WRAP73: variants seen among roughly 807,000 people sequenced by gnomAD.
The protein encoded by WRAP73 is WD repeat containing, antisense to TP73.
In WRAP73, 55 loss-of-function variants were observed where a neutral mutation model predicts 59.6. That is an observed-to-expected ratio of 0.92 (90% CI 0.74 to 1.15). WRAP73 has a LOEUF of 1.15. Ranked by LOEUF, WRAP73 falls within the 50% of genes most tolerant of loss-of-function variation. The pLI is 0.00. For missense variants in WRAP73, 592 were observed against 608.1 expected, an observed-to-expected ratio of 0.97 and a Z score of 0.28; for synonymous variants, 265 against 258.2, an observed-to-expected ratio of 1.03 and a Z score of -0.25.
Position 3,646,302 on chromosome 1 carries a change from C to T in WRAP73, c.339+364G>A, listed in dbSNP as rs1044514582. On this transcript the variant is annotated intron_variant, in intron 3 of 11. Transcript: ENST00000270708. This position sits in a 1 kb window ranked among gnomAD's most constrained non-coding sequence, Gnocchi z 5.1. ...TAAATGACGAGCTGAAAGTTCTTGA[C>T]GCAACAAGGAAAGAAAAAATCCTAT... is the stretch of plus-strand genomic sequence containing the variant. Among the ~76,000 whole-genome samples the T allele has an allele frequency of 3.3e-5, 5 of 152,164 alleles. No homozygotes were observed. The highest frequency in any genetic ancestry group is 2.1e-4 in the South Asian group (1 of 4,832).
intron 5 of WRAP73, chr1:3,636,619 T>G (rs1570298340): frequency 2.7e-6 from 1 of 368,582 alleles, no homozygotes; most frequent in Non-Finnish European, 5.3e-6. Flanking sequence ...GTGGGGGCAG[T>G]GCCCTCTGTG....
rs765231090 is a variant in WRAP73, at chr1:3,650,020, G to A, written c.-21C>T. ...TTCATGGCCGCCGCCTGCCGCGGGC[G>A]CCACCCTGCGCCCGAAAACCCGCGG... On this transcript the variant is annotated 5_prime_UTR_variant, in exon 1 of 12. Transcript: ENST00000270708. The A allele has an allele frequency of 1.0e-5, 16 of 1,578,872 alleles. No individual in the cohort carries two copies. Among genetic ancestry groups the A allele is most frequent in the East Asian group, 2.4e-5 (1 of 41,574 alleles).
At chr1:3,636,398 C>T (rs1002144660) in intron 5 of WRAP73, 2 of 316,868 alleles carry the variant, frequency 6.3e-6, no homozygotes, top group Non-Finnish European at 1.2e-5. Flanking sequence ...GGCCAGCCCC[C>T]GAAGGTGGCT....
At chr1:3,642,426 G>A (rs1644655008) in intron 3 of WRAP73, among the ~76,000 whole-genome samples, 2 of 152,182 alleles carry the variant, frequency 1.3e-5, no homozygotes, top group Non-Finnish European at 2.9e-5. Context: ...TATAGCTGGT[G>A]AAGATAGCCT....
At chr1:3,637,916 TA>T (rs1644603378) in intron 4 of WRAP73, among the ~76,000 whole-genome samples, 1 of 152,182 alleles carries the variant, frequency 6.6e-6, no homozygotes. Context: ...TGTATTAGCT[TA>T]AAAAGCCCTA....
In WRAP73 at chr1:3,645,394, C is replaced by T. The variant is rs866907600; in HGVS notation, c.339+1272G>A. On this transcript the variant is annotated intron_variant, in intron 3 of 11. Transcript: ENST00000270708. Reference sequence around the variant, plus strand: ...CCGTGGTGTGCGTGGCGCAGCGGGACGGGCGGGTTGCCCCGTGGTGTGCGC... The same window carrying T: ...CCGTGGTGTGCGTGGCGCAGCGGGATGGGCGGGTTGCCCCGTGGTGTGCGC... Among the ~76,000 whole-genome samples the T allele has an allele frequency of 1.2e-3, 159 of 134,378 alleles. 1 individual carries two copies. The highest frequency in any genetic ancestry group is 5.0e-3 in the African/African-American group (149 of 30,068). 88.2% of individuals were successfully genotyped at this position (134,378 alleles called of 152,430 possible).
Position 3,633,455 on chromosome 1 carries a change from G to C in WRAP73, c.865C>G (p.Leu289Val), listed in dbSNP as rs1214152291. 3.1e-6 allele frequency: 5 copies of C among 1,612,064 alleles called. No homozygotes were observed. The highest frequency in any genetic ancestry group is 4.2e-6 in the Non-Finnish European group (5 of 1,179,656). The change falls in exon 9 of 12, where the codon CTC becomes GTC. Residue 289 changes from leucine (L) to valine (V), a missense_variant. Physicochemically the swap from Leu to Val is conservative, Grantham distance 32 (BLOSUM62 1). Coordinates refer to ENST00000270708, the MANE Select transcript of WRAP73 (RefSeq NM_017818.4). ...CCGGCCCGGGGCGGCGGGAAGGAGAGGCAGCCCAGTCCCAGCTGTGGGCTC... is the reference window on the plus strand; with the variant it reads ...CCGGCCCGGGGCGGCGGGAAGGAGACGCAGCCCAGTCCCAGCTGTGGGCTC... Reference protein sequence around the residue: ...EKSPQLGLGCLSFPPPRAGAG... With the variant: ...EKSPQLGLGCVSFPPPRAGAG...
chr1:3,632,850 G>A, intron 9 of WRAP73: 1 of 216,320 alleles, frequency 4.6e-6, no homozygotes, highest in Non-Finnish European at 9.3e-6. Context: ...CCCATCCTGA[G>A]CACACACCGA....
chr1:3,636,158 C>G, intron 5 of WRAP73, 128 bp from the exon 6 acceptor site: 1 of 705,934 alleles, frequency 1.4e-6, no homozygotes, highest in South Asian at 1.7e-5. Context: ...CTCAACAGCT[C>G]TATCCTGGAA....
At chr1:3,633,672 T>A in intron 8 of WRAP73, 169 bp from the exon 9 acceptor site, 1 of 583,096 alleles carries the variant, frequency 1.7e-6, no homozygotes, top group South Asian at 2.2e-5. Flanking sequence ...TCCCGAGAGC[T>A]GAGATCACCC....
chr1:3,636,415 C>T (rs1197322502), intron 5 of WRAP73: 2 of 319,108 alleles, frequency 6.3e-6, no homozygotes, highest in East Asian at 1.7e-4. Context: ...GGCTTGGTCT[C>T]CCCGCACCTG....
At position 3,649,776 on chromosome 1, in the gene WRAP73, T is replaced by C. The variant is rs187911277; in HGVS notation, c.69+155A>G. On this transcript the variant is annotated intron_variant, in intron 1 of 11. Transcript: ENST00000270708. ...GGGGCACTTGCTCAGACACTGCACC[T>C]GCCCCGGGTACCTGCCCGGGCCCCG... 3.9e-3 allele frequency among the ~76,000 whole-genome samples: 592 copies of C among 151,962 alleles called. 1 individual carries two copies. Among genetic ancestry groups the C allele is most frequent in the Non-Finnish European group, 7.1e-3 (484 of 67,922 alleles).
rs1448982313 is a variant in WRAP73 at position 3,646,084 on chromosome 1, T to C, written c.339+582A>G. 3.3e-5 allele frequency among the ~76,000 whole-genome samples: 5 copies of C among 152,328 alleles called. No individual in the cohort carries two copies. The East Asian group carries it at 9.6e-4, about 29-fold the overall frequency. ...CTCTGACCTAAAATATACACACCACTATATACGCTCCCCGGCTCCCTCCAA... is the reference window on the plus strand; with the variant it reads ...CTCTGACCTAAAATATACACACCACCATATACGCTCCCCGGCTCCCTCCAA... On this transcript the variant is annotated intron_variant, in intron 3 of 11. Transcript: ENST00000270708. This position sits in a 1 kb window ranked among gnomAD's most constrained non-coding sequence, Gnocchi z 5.1.
In WRAP73 at chr1:3,645,946, G is replaced by A. The variant is rs557555691; in HGVS notation, c.339+720C>T. Among the ~76,000 whole-genome samples the A allele has an allele frequency of 7.2e-5, 11 of 152,300 alleles. No homozygotes were observed. In the South Asian group the frequency reaches 2.3e-3, roughly 32 times the overall value. On this transcript the variant is annotated intron_variant, in intron 3 of 11. Transcript: ENST00000270708. ...CTCATATCACAGCGCATTTTCTATC[G>A]TTGAATTAAAGGGAGTGCCGAAATC... is the stretch of plus-strand genomic sequence containing the variant.
rs754722009 is a variant in WRAP73, at chr1:3,633,360, A to C, written c.922+38T>G. On this transcript the variant is annotated intron_variant, in intron 9 of 11. Transcript: ENST00000270708. ...TCTGGACAACGAGGAATCTTGCATT[A>C]AAAAAGGAAAACAAATGACATCACA... 28 of 1,561,058 alleles carry C rather than the reference A, an allele frequency of 1.8e-5. No homozygotes were observed. In the South Asian group the frequency reaches 3.0e-4, roughly 17 times the overall value.
chr1:3,632,168 G>C (rs1380361543), intron 10 of WRAP73, 45 bp downstream of exon 10: 2 of 1,577,686 alleles, frequency 1.3e-6, no homozygotes, highest in Non-Finnish European at 1.7e-6. Flanking sequence ...TGGGGCCACA[G>C]GACACAGTAA....
chr1:3,645,206 C>T (rs1176645274), intron 3 of WRAP73, among the ~76,000 whole-genome samples: 2 of 152,236 alleles, frequency 1.3e-5, no homozygotes, highest in African/African-American at 2.4e-5. Context: ...TTATCCCAGC[C>T]GATGCCAGCT....
chr1:3,633,528 C>A (rs372775237), intron 8 of WRAP73, 25 bp from the exon 9 acceptor site: 2 of 1,557,086 alleles, frequency 1.3e-6, no homozygotes, highest in Non-Finnish European at 1.7e-6. Flanking sequence ...GTGGCCACGC[C>A]CGGCTCAGGA....
chr1:3,647,633 C>T, intron 1 of WRAP73, 73 bp from the exon 2 acceptor site: 2 of 1,537,174 alleles, frequency 1.3e-6, no homozygotes, highest in Non-Finnish European at 1.8e-6. Flanking sequence ...ATGCTACTGC[C>T]CTGGCCTTCA....
Sources: allele counts gnomAD v4.1 joint callset (sites outside exome capture counted in the v4.1 genomes callset), GRCh38; gene constraint gnomAD v4.1.1; non-coding constraint Gnocchi (gnomAD v3.1); transcripts MANE v1.5; gene names NCBI Gene and HGNC (gene_info 2026-07-23, HGNC 2026-07-21).